Variants in MS4A18 observed in about 807,000 individuals in gnomAD.
MS4A18 encodes the protein membrane-spanning 4-domains subfamily A member 18.
MS4A18 carries 27 observed loss-of-function variants against 13.1 expected under a neutral mutation model. That is an observed-to-expected ratio of 2.06 (90% confidence interval 1.52 to 2.84). The LOEUF (loss-of-function observed/expected upper bound fraction) is 2.84, where lower values mean the gene tolerates loss of function less well. Ranked by LOEUF, MS4A18 falls within the 30% of genes most tolerant of loss-of-function variation. The pLI, the probability that MS4A18 is intolerant of heterozygous loss-of-function variation, is 0.00. For synonymous variants in MS4A18, 126 were observed against 76.5 expected, an observed-to-expected ratio of 1.65 and a Z score of -3.38; for missense variants, 307 against 196.4, an observed-to-expected ratio of 1.56 and a Z score of -3.37.
exon 1 of MS4A18, chr11:60,729,401 T>C (rs1853215568): frequency 4.3e-6 from 3 of 702,850 alleles, no homozygotes; most frequent in Non-Finnish European, 7.8e-6. Context: ...AGCAACCCTG[T>C]GGCCTCTGGA....
chr11:60,730,684 C>T (rs1028648926), intron 1 of MS4A18, among the ~76,000 whole-genome samples: 1 of 152,194 alleles, frequency 6.6e-6, no homozygotes, highest in Non-Finnish European at 1.5e-5. Flanking sequence ...ACCCATTCCT[C>T]CTTATTTAAT....
chr11:60,743,664 T>C (rs938902762), exon 6 of MS4A18: 1 of 702,776 alleles, frequency 1.4e-6, no homozygotes, highest in African/African-American at 1.7e-5. Context: ...TGGCAGTGAT[T>C]CCAACCGTAT....
intron 1 of MS4A18, among the ~76,000 whole-genome samples, chr11:60,732,521 A>G (rs547394411): frequency 6.6e-6 from 1 of 152,052 alleles, no homozygotes; most frequent in South Asian, 2.1e-4. Context: ...CGAGGTCAGG[A>G]GATCGAGACC....
intron 5 of MS4A18, among the ~76,000 whole-genome samples, chr11:60,743,011 C>T: frequency 6.6e-6 from 1 of 152,220 alleles, no homozygotes; most frequent in African/African-American, 2.4e-5. Context: ...TTCCAGATTC[C>T]TTCAGCAGTG....
upstream of MS4A18, among the ~76,000 whole-genome samples, chr11:60,726,717 C>CTTTTATTTTA (rs3044411): frequency 0.25 from 31,040 of 124,732 alleles, 4,859 homozygotes; most frequent in Admixed American, 0.3. Flanking sequence ...TGGGGTAACA[C>CTTTTATTTTA]TTTTATTTTA....
chr11:60,739,051 G>C (rs1176828863), intron 4 of MS4A18, 54 bp downstream of exon 5: 2 of 698,582 alleles, frequency 2.9e-6, no homozygotes, highest in Non-Finnish European at 5.2e-6. Flanking sequence ...GAGGGCTTCT[G>C]AGGTTGCCTC....
At chr11:60,731,586 A>G (rs569893324) in intron 1 of MS4A18, among the ~76,000 whole-genome samples, 1 of 152,202 alleles carries the variant, frequency 6.6e-6, no homozygotes, top group Non-Finnish European at 1.5e-5. Context: ...CTTGGAAGCA[A>G]GAGACATCAT....
intron 2 of MS4A18, among the ~76,000 whole-genome samples, chr11:60,734,784 C>CT (rs546950110): frequency 0.01 from 1,444 of 138,788 alleles, 10 homozygotes; most frequent in African/African-American, 0.021. Flanking sequence ...CTTTTCTTTT[C>CT]TTTTTTTTTT....
At chr11:60,739,374 G>A (rs1344666243) in intron 4 of MS4A18, among the ~76,000 whole-genome samples, 1 of 152,164 alleles carries the variant, frequency 6.6e-6, no homozygotes, top group East Asian at 1.9e-4. Context: ...AGGTGCGGAT[G>A]CTAGTTCTGG....
chr11:60,725,679 T>C (rs1853145572), upstream of MS4A18, among the ~76,000 whole-genome samples: 1 of 152,170 alleles, frequency 6.6e-6, no homozygotes, highest in African/African-American at 2.4e-5. Flanking sequence ...GAGTATAACA[T>C]TTAGCACAGT....
chr11:60,741,154 G>A lies in MS4A18; in HGVS notation c.858+11G>A, dbSNP rs1853409879. The A allele has an allele frequency of 2.8e-6, 2 of 703,024 alleles. No individual in the cohort carries two copies. The highest frequency in any genetic ancestry group is 2.7e-5 in the East Asian group (1 of 37,280). 43.5% of individuals were successfully genotyped at this position (703,024 alleles called of 1,614,324 possible). ...TGCAGACAATTTGAGGTAAGCATTG[G>A]ACTCTGTTCCAGGAATCAGATCATG... On this transcript the variant is annotated intron_variant, in intron 5 of 5. Coordinates refer to ENST00000529108, the Ensembl canonical transcript of MS4A18.
chr11:60,740,993 G>A (rs753603310), intron 4 of MS4A18, 37 bp from the exon 6 acceptor site: 1 of 702,924 alleles, frequency 1.4e-6, no homozygotes. Flanking sequence ...CCATCAACCT[G>A]AAGGACTAAA....
Position 60,736,967 on chromosome 11 carries a change from T to TTTTTTTC in MS4A18, c.592-11_592-10insTTTTTTC. The TTTTTTTC allele has an allele frequency of 4.4e-6, 3 of 680,940 alleles. No homozygotes were observed. Among genetic ancestry groups the TTTTTTTC allele is most frequent in the East Asian group, 2.7e-5 (1 of 36,890 alleles). 42.2% of individuals were successfully genotyped at this position (680,940 alleles called of 1,614,324 possible). ...TTGGTCATTCTTTTTTTTTTTTTTT[T>TTTTTTTC]GTCTGCGTAGTATATTGTATCTGGA... is the stretch of plus-strand genomic sequence containing the variant. On this transcript the variant is annotated splice_polypyrimidine_tract_variant and intron_variant, in intron 2 of 5. Transcript: ENST00000529108.
chr11:60,738,912 G>C (rs1437814494), exon 4 of MS4A18: 1 of 703,220 alleles, frequency 1.4e-6, no homozygotes, highest in Non-Finnish European at 2.6e-6. Context: ...GTGAACAGCA[G>C]CATCAGCTTC....
At chr11:60,744,639 A>G (rs1463829113), downstream of MS4A18, among the ~76,000 whole-genome samples, 2 of 152,228 alleles carry the variant, frequency 1.3e-5, no homozygotes. Flanking sequence ...ATGTTTCCAC[A>G]ATATATAAAG....
At chr11:60,742,094 G>A (rs1853420747) in intron 5 of MS4A18, among the ~76,000 whole-genome samples, 1 of 152,204 alleles carries the variant, frequency 6.6e-6, no homozygotes, top group Non-Finnish European at 1.5e-5. Flanking sequence ...GGCAGAGAAT[G>A]TTTCTTGATT....
intron 1 of MS4A18, among the ~76,000 whole-genome samples, chr11:60,731,565 A>G (rs1853254223): frequency 2.0e-5 from 3 of 152,208 alleles, no homozygotes; most frequent in Non-Finnish European, 4.4e-5. Flanking sequence ...GCCTTGCTCT[A>G]GCATATTGAC....
exon 6 of MS4A18, chr11:60,744,007 G>A (rs1166605331): frequency 1.4e-6 from 1 of 696,422 alleles, no homozygotes. Flanking sequence ...GATTTGCACA[G>A]AGATAGATGA....
intron 1 of MS4A18, 26 bp downstream of exon 2, chr11:60,729,812 G>T (rs578087590): frequency 8.9e-6 from 6 of 673,436 alleles, no homozygotes; most frequent in Non-Finnish European, 1.6e-5. Context: ...CCTTCTCTCC[G>T]ATTTGGGTCA....
Sources: gnomAD v4.1 joint callset for allele counts (sites outside exome capture counted in the v4.1 genomes callset) on GRCh38, gnomAD v4.1.1 for gene constraint, MANE v1.5 for transcripts, NCBI Gene and HGNC (gene_info 2026-07-23, HGNC 2026-07-21) for gene names.